SPON1: variants seen among roughly 807,000 people sequenced by gnomAD.
SPON1 encodes spondin 1, also known as spondin-1.
SPON1 carries 52 observed loss-of-function variants against 111.7 expected under a neutral mutation model. That is an observed-to-expected ratio of 0.47 (90% CI 0.37 to 0.59). The LOEUF (loss-of-function observed/expected upper bound fraction) is 0.59, where lower values mean the gene tolerates loss of function less well. Among genes scored for constraint, SPON1 ranks in the 20% least tolerant of loss-of-function variants. SPON1 has a pLI of 0.00. For missense variants in SPON1, 957 were observed against 1,068.5 expected (o/e 0.90, Z 1.46); for synonymous variants, 410 against 395.8 (o/e 1.04, Z -0.43).
chr11:14,113,498 C>A (rs1346713290), intron 5 of SPON1, among the ~76,000 whole-genome samples: 2 of 151,052 alleles, frequency 1.3e-5, no homozygotes, highest in African/African-American at 4.9e-5. Flanking sequence ...CATCAATCAA[C>A]CAGATTTCCT....
chr11:14,169,940 G>T (rs1395098862), intron 6 of SPON1, among the ~76,000 whole-genome samples: 2 of 152,166 alleles, frequency 1.3e-5, no homozygotes, highest in African/African-American at 4.8e-5. Flanking sequence ...GATGCCTCCA[G>T]CTTTGTTCTT....
intron 2 of SPON1, among the ~76,000 whole-genome samples, chr11:14,024,924 G>C (rs1333568340): frequency 1.3e-5 from 2 of 152,206 alleles, no homozygotes; most frequent in Non-Finnish European, 2.9e-5. Flanking sequence ...GCTATGATTA[G>C]AACTGAAAAG....
At chr11:14,245,066 C>T (rs530074378) in intron 7 of SPON1, among the ~76,000 whole-genome samples, 1 of 152,240 alleles carries the variant, frequency 6.6e-6, no homozygotes, top group African/African-American at 2.4e-5. Context: ...CATTAACACC[C>T]GTATTGAAGA....
At position 14,224,763 on chromosome 11, in the gene SPON1, G is replaced by T. The variant is rs374512590; in HGVS notation, c.826-18569G>T. On this transcript the variant is annotated intron_variant, in intron 6 of 15. Coordinates refer to ENST00000576479, the MANE Select transcript of SPON1 (RefSeq NM_006108.4). ...GGGTGAAAGACTGAGGGAGATATGA[G>T]GCCGGAGAAGTAGGTGGGGCCAAAG... 1.7e-4 allele frequency: 83 copies of T among 500,560 alleles called. No individual in the cohort carries two copies. The East Asian group carries it at 4.4e-3, about 27-fold the overall frequency. 31.0% of individuals were successfully genotyped at this position (500,560 alleles called of 1,614,324 possible).
At chr11:14,162,372 G>A (rs1340493951) in intron 6 of SPON1, among the ~76,000 whole-genome samples, 1 of 152,104 alleles carries the variant, frequency 6.6e-6, no homozygotes, top group African/African-American at 2.4e-5. Flanking sequence ...ATGTGTTAAA[G>A]CAGGGAATTT....
chr11:13,973,625 A>G (rs1303978297), intron 1 of SPON1, among the ~76,000 whole-genome samples: 1 of 152,230 alleles, frequency 6.6e-6, no homozygotes, highest in African/African-American at 2.4e-5. Flanking sequence ...GATGATAATT[A>G]TGATCCTTAT....
intron 5 of SPON1, among the ~76,000 whole-genome samples, chr11:14,091,351 G>A (rs575497103): frequency 2.2e-4 from 34 of 152,336 alleles, no homozygotes; most frequent in Non-Finnish European, 3.5e-4. Context: ...TTGGGTGGTC[G>A]ATGGGACTGG....
intron 6 of SPON1, among the ~76,000 whole-genome samples, chr11:14,208,017 G>A (rs1564931322): frequency 1.3e-5 from 2 of 152,192 alleles, no homozygotes; most frequent in Non-Finnish European, 2.9e-5. Flanking sequence ...AGAATACTAT[G>A]CATCCATAAA....
At chr11:13,998,245 A>G (rs1848288971) in intron 2 of SPON1, among the ~76,000 whole-genome samples, 1 of 152,222 alleles carries the variant, frequency 6.6e-6, no homozygotes. Flanking sequence ...AGTAAGTGGC[A>G]GTGAACAAAG....
chr11:14,099,946 G>C (rs73424108), intron 5 of SPON1, among the ~76,000 whole-genome samples: 1 of 152,190 alleles, frequency 6.6e-6, no homozygotes, highest in African/African-American at 2.4e-5. Context: ...ACCAGAGCGA[G>C]AACTCACTCA....
At chr11:14,175,398 G>T (rs1413995719) in intron 6 of SPON1, among the ~76,000 whole-genome samples, 5 of 152,122 alleles carry the variant, frequency 3.3e-5, no homozygotes, top group Non-Finnish European at 7.4e-5. Flanking sequence ...CTACAGTATT[G>T]GTTTCAGGGA....
At chr11:14,153,610 C>T (rs1482464896) in intron 6 of SPON1, among the ~76,000 whole-genome samples, 3 of 152,308 alleles carry the variant, frequency 2.0e-5, no homozygotes, top group South Asian at 2.1e-4. Context: ...TGTGGGGACA[C>T]AGAGCCAAAC....
At chr11:14,105,097 G>A (rs1309899233) in intron 5 of SPON1, among the ~76,000 whole-genome samples, 1 of 152,028 alleles carries the variant, frequency 6.6e-6, no homozygotes, top group East Asian at 1.9e-4. Flanking sequence ...GGCTCTGTTT[G>A]TACTTTAACC....
At chr11:14,012,888 T>C (rs1554913875) in intron 2 of SPON1, among the ~76,000 whole-genome samples, 2 of 152,174 alleles carry the variant, frequency 1.3e-5, no homozygotes, top group African/African-American at 4.8e-5. Context: ...GATGGCTACA[T>C]TTTTTGCCCT....
intron 5 of SPON1, among the ~76,000 whole-genome samples, chr11:14,090,845 GCCC>G (rs1564903059): frequency 2.6e-5 from 1 of 37,988 alleles, no homozygotes; most frequent in Non-Finnish European, 4.4e-5. Context: ...CCCCCCCCCC[GCCC>G]ACATCCTGCT....
intron 6 of SPON1, among the ~76,000 whole-genome samples, chr11:14,140,308 A>G (rs1554928629): frequency 6.6e-6 from 1 of 152,184 alleles, no homozygotes; most frequent in African/African-American, 2.4e-5. Flanking sequence ...ATAATCTTAG[A>G]GACTATTTTT....
intron 2 of SPON1, among the ~76,000 whole-genome samples, chr11:13,988,981 T>A (rs1230325994): frequency 5.3e-5 from 8 of 152,328 alleles, no homozygotes; most frequent in African/African-American, 1.9e-4. Flanking sequence ...CATATCGATG[T>A]TCATCAGAGA....
intron 11 of SPON1, 81 bp downstream of exon 11, chr11:14,257,979 T>C (rs1437291321): frequency 7.4e-7 from 1 of 1,342,704 alleles, no homozygotes; most frequent in African/African-American, 1.5e-5. Flanking sequence ...ACAGTGTCCC[T>C]GGTGAGGGCA....
At chr11:14,111,382 C>T (rs1564907674) in intron 5 of SPON1, among the ~76,000 whole-genome samples, 1 of 152,156 alleles carries the variant, frequency 6.6e-6, no homozygotes, top group Admixed American at 6.5e-5. Flanking sequence ...TACTATATCC[C>T]CAGCTCCAGC....
Sources: gnomAD v4.1 joint callset for allele counts (sites outside exome capture counted in the v4.1 genomes callset) on GRCh38, gnomAD v4.1.1 for gene constraint, MANE v1.5 for transcripts, NCBI Gene and HGNC (gene_info 2026-07-23, HGNC 2026-07-21) for gene names.